Variants in SUN3 observed in about 807,000 individuals in gnomAD.
SUN3 encodes SUN domain-containing protein 3.
A neutral mutation model predicts 48.2 loss-of-function variants in SUN3; 36 were observed. The ratio of observed to expected loss-of-function variants is 0.75; its 90% CI spans 0.57 to 0.99. The LOEUF (loss-of-function observed/expected upper bound fraction) is 0.99, where lower values mean the gene tolerates loss of function less well. Ranked by LOEUF, SUN3 falls within the 50% of genes least tolerant of loss-of-function variation. SUN3 has a pLI of 0.00. For synonymous variants in SUN3, 148 were observed against 147.9 expected (o/e 1.00, Z 0.00); for missense variants, 419 against 433.1 (o/e 0.97, Z 0.29).
At chr7:48,024,012 A>G (rs1790068897) in intron 2 of SUN3, among the ~76,000 whole-genome samples, 1 of 152,174 alleles carries the variant, frequency 6.6e-6, no homozygotes, top group South Asian at 2.1e-4. Flanking sequence ...TTTTTAGCAA[A>G]TATTACTTTG....
intron 3 of SUN3, among the ~76,000 whole-genome samples, chr7:48,013,166 C>A (rs1332715776): frequency 2.0e-5 from 3 of 152,268 alleles, no homozygotes; most frequent in Non-Finnish European, 2.9e-5. Flanking sequence ...CCAGTCTCAA[C>A]AAAATCTGGA....
intron 8 of SUN3, 104 bp downstream of exon 8, chr7:47,994,211 T>C: frequency 1.4e-5 from 14 of 1,022,902 alleles, no homozygotes; most frequent in Non-Finnish European, 2.0e-5. Flanking sequence ...AGGAAATAAG[T>C]GACACAACTA....
In SUN3 at chr7:48,004,721, C is replaced by T. The variant is rs1915959; in HGVS notation, c.577+1248G>A. On this transcript the variant is annotated intron_variant, in intron 6 of 9. Transcript: ENST00000297325. ...GGGCTTCTTTCACAGATTTAGCTGC[C>T]TACCTTGCTGCCACGTTTGCAGCTC... Among the ~76,000 whole-genome samples, 324 of 152,372 alleles carry T rather than the reference C, an allele frequency of 2.1e-3. 2 individuals are homozygous for T. Among genetic ancestry groups the T allele is most frequent in the African/African-American group, 7.4e-3 (307 of 41,590 alleles).
At chr7:48,004,136 T>A (rs1193596856) in intron 6 of SUN3, among the ~76,000 whole-genome samples, 3 of 152,224 alleles carry the variant, frequency 2.0e-5, no homozygotes, top group Non-Finnish European at 4.4e-5. Context: ...TCATAAAGCA[T>A]AATTATGCTA....
At chr7:48,035,518 T>C in the SUN3 span, 8 of 697,220 alleles carry the variant, frequency 1.1e-5, no homozygotes, top group African/African-American at 7.1e-5. The surrounding 1 kb of genome is among the most constrained non-coding windows in gnomAD (Gnocchi z 4.0). Context: ...GCCGATGTTG[T>C]GGTTCCGCGG....
intron 2 of SUN3, among the ~76,000 whole-genome samples, chr7:48,025,195 A>G (rs1403502872): frequency 6.6e-6 from 1 of 152,206 alleles, no homozygotes; most frequent in African/African-American, 2.4e-5. Context: ...AAAATGAGGT[A>G]TATACATACA....
At chr7:47,990,049 A>G (rs1355375151) in intron 8 of SUN3, among the ~76,000 whole-genome samples, 1 of 152,214 alleles carries the variant, frequency 6.6e-6, no homozygotes, top group Non-Finnish European at 1.5e-5. Flanking sequence ...ATATGGCCTC[A>G]CGGGAAGGGA....
intron 2 of SUN3, among the ~76,000 whole-genome samples, chr7:48,021,885 A>G (rs1425069850): frequency 6.6e-6 from 1 of 152,128 alleles, no homozygotes. Context: ...AATGATAAAC[A>G]CAGCTGATAT....
chr7:48,014,257 T>C (rs1789752468), intron 3 of SUN3, among the ~76,000 whole-genome samples: 1 of 152,254 alleles, frequency 6.6e-6, no homozygotes, highest in African/African-American at 2.4e-5. Flanking sequence ...TTTTAAAGGG[T>C]TGAATTTGCT....
chr7:48,023,427 C>T lies in SUN3; in HGVS notation c.184+2450G>A, dbSNP rs551579919. 1.8e-3 allele frequency among the ~76,000 whole-genome samples: 276 copies of T among 151,778 alleles called. 1 individual carries two copies. Among genetic ancestry groups the T allele is most frequent in the African/African-American group, 6.4e-3 (264 of 41,384 alleles). On this transcript the variant is annotated intron_variant, in intron 2 of 9. Transcript: ENST00000297325. ...AACCACTAAGAAAATATCTAAAAAACGTATACAAAATGAAACAGATCAGAA... is the reference window on the plus strand; with the variant it reads ...AACCACTAAGAAAATATCTAAAAAATGTATACAAAATGAAACAGATCAGAA...
chr7:48,031,236 T>G (rs765828836), upstream of SUN3, among the ~76,000 whole-genome samples: 2 of 152,228 alleles, frequency 1.3e-5, no homozygotes, highest in Non-Finnish European at 2.9e-5. Flanking sequence ...AATAGACATT[T>G]TTTTCCAGAG....
intron 6 of SUN3, among the ~76,000 whole-genome samples, chr7:48,005,088 G>A (rs1224009672): frequency 6.6e-6 from 1 of 152,160 alleles, no homozygotes; most frequent in Non-Finnish European, 1.5e-5. Context: ...TTTTCAAAAT[G>A]GAAGTTGTAA....
At chr7:48,000,683 C>T (rs999148238) in intron 6 of SUN3, among the ~76,000 whole-genome samples, 1 of 152,106 alleles carries the variant, frequency 6.6e-6, no homozygotes, top group Non-Finnish European at 1.5e-5. Flanking sequence ...CATGTCGTTT[C>T]CTTCTCTTCT....
chr7:48,005,907 G>T, intron 6 of SUN3, 62 bp downstream of exon 6: 1 of 1,070,352 alleles, frequency 9.3e-7, no homozygotes, highest in Non-Finnish European at 1.4e-6. Context: ...GTAGAGAATA[G>T]GGACATTCCT....
At chr7:47,996,296 T>C (rs2708899) in intron 6 of SUN3, 150 bp from the exon 7 acceptor site, 446,296 of 502,754 alleles carry the variant, frequency 0.89, 199,395 homozygotes, top group Non-Finnish European at 0.92. Flanking sequence ...AGGAAAAGTA[T>C]GACAGTTTTC....
At chr7:48,016,991 A>G (rs78153277) in intron 3 of SUN3, among the ~76,000 whole-genome samples, 2 of 152,182 alleles carry the variant, frequency 1.3e-5, no homozygotes, top group African/African-American at 4.8e-5. Context: ...TCCCACTCCA[A>G]TGATAATGGC....
intron 8 of SUN3, among the ~76,000 whole-genome samples, chr7:47,990,025 T>C (rs1003191675): frequency 2.0e-5 from 3 of 152,188 alleles, no homozygotes; most frequent in African/African-American, 4.8e-5. Context: ...TTTCTCCCCA[T>C]GTGATAGTCT....
In SUN3 at chr7:47,996,111, A is replaced by G. The variant is rs768275407; in HGVS notation, c.613T>C (p.Tyr205His). ...SIIEAGTSESYKNNKAKLYWH... is the reference protein window; with the variant it reads ...SIIEAGTSESHKNNKAKLYWH... ...TACAATTTTGCTTTATTATTTTTAT[A>G]ACTTTCTGAGGTCCCAGCTTCAATG... Residue 205 changes from tyrosine to histidine, a missense_variant, in exon 7 of 10, where the codon TAT (tyrosine) becomes CAT (histidine). By Grantham distance (83) the Tyr-to-His change is moderately conservative (BLOSUM62 2). Coordinates refer to ENST00000297325, the MANE Select transcript of SUN3 (RefSeq NM_001030019.2). The G allele has an allele frequency of 1.3e-6, 2 of 1,594,656 alleles. No homozygotes were observed. Among genetic ancestry groups the G allele is most frequent in the South Asian group, 2.3e-5 (2 of 86,216 alleles).
chr7:48,021,382 A>G (rs1789991889), intron 2 of SUN3, among the ~76,000 whole-genome samples: 1 of 152,152 alleles, frequency 6.6e-6, no homozygotes, highest in African/African-American at 2.4e-5. Context: ...CCCCACAAGC[A>G]CAGGCAACAA....
Sources: gnomAD v4.1 joint callset for allele counts (sites outside exome capture counted in the v4.1 genomes callset) on GRCh38, gnomAD v4.1.1 for gene constraint, Gnocchi (gnomAD v3.1) non-coding constraint, MANE v1.5 for transcripts, NCBI Gene and HGNC (gene_info 2026-07-23, HGNC 2026-07-21) for gene names.